Variants in DMD observed in about 807,000 individuals in gnomAD.
DMD encodes mutant dystrophin.
A neutral mutation model predicts 330.1 loss-of-function variants in DMD; 63 were observed. The observed-to-expected ratio is 0.19, with a 90% CI of 0.16 to 0.24. The LOEUF is 0.24. Among genes scored for constraint, DMD ranks in the 10% least tolerant of loss-of-function variants. The pLI is 1.00. For synonymous variants in DMD, 1,223 were observed against 959.8 expected (o/e 1.27, Z -5.07); for missense variants, 3,344 against 2,684.1 (o/e 1.25, Z -5.43).
chrX:32,462,232 T>G (rs1006834897), intron 25 of DMD, among the ~76,000 whole-genome samples: 4 of 111,299 alleles, frequency 3.6e-5, no homozygotes, highest in African/African-American at 1.3e-4. Context: ...CCTATAAAAT[T>G]TAATTTATAA....
intron 50 of DMD, among the ~76,000 whole-genome samples, chrX:31,809,001 T>C (rs778860960): frequency 1.4e-3 from 156 of 109,834 alleles, no homozygotes; most frequent in African/African-American, 5.1e-3. Context: ...TGTGTATTCA[T>C]ACATTTCTTT....
At chrX:31,167,418 C>T (rs1208681156) in intron 74 of DMD, among the ~76,000 whole-genome samples, 1 of 111,784 alleles carries the variant, frequency 8.9e-6, no homozygotes, top group African/African-American at 3.2e-5. Context: ...GACCCGGGTG[C>T]AATGGTACGG....
intron 44 of DMD, among the ~76,000 whole-genome samples, chrX:32,133,537 T>C: frequency 8.9e-6 from 1 of 111,812 alleles, no homozygotes; most frequent in Non-Finnish European, 1.9e-5. Context: ...TCAATATATC[T>C]GGTGATATGT....
intron 55 of DMD, among the ~76,000 whole-genome samples, chrX:31,561,303 G>A (rs2075183227): frequency 9.0e-6 from 1 of 111,513 alleles, no homozygotes; most frequent in Admixed American, 9.5e-5. Flanking sequence ...GGACTGATGG[G>A]GAGTCAGTCA....
intron 1 of DMD, among the ~76,000 whole-genome samples, chrX:33,137,655 T>G (rs2095535265): frequency 8.9e-6 from 1 of 111,888 alleles, no homozygotes; most frequent in Non-Finnish European, 1.9e-5. Flanking sequence ...CTTAGATGTC[T>G]TTCTAACAGT....
chrX:32,109,243 A>T (rs2096578295), intron 44 of DMD, among the ~76,000 whole-genome samples: 1 of 107,782 alleles, frequency 9.3e-6, no homozygotes, highest in African/African-American at 3.3e-5. Flanking sequence ...CTACAATACA[A>T]TTTTTTTTTT....
intron 52 of DMD, among the ~76,000 whole-genome samples, chrX:31,690,992 T>C (rs945119782): frequency 1.7e-4 from 19 of 109,952 alleles, no homozygotes; most frequent in African/African-American, 6.3e-4. Flanking sequence ...GGGGGAGGGA[T>C]AGCATTGGGA....
At chrX:33,147,832 A>G (rs1483949786) in intron 1 of DMD, among the ~76,000 whole-genome samples, 1 of 112,056 alleles carries the variant, frequency 8.9e-6, no homozygotes, top group Non-Finnish European at 1.9e-5. Flanking sequence ...CAAAATATAT[A>G]AATTTTATCA....
chrX:32,273,271 G>A (rs959803763), intron 43 of DMD, among the ~76,000 whole-genome samples: 1 of 95,586 alleles, frequency 1.0e-5, no homozygotes, highest in African/African-American at 4.0e-5. Flanking sequence ...TCTTCTTAGG[G>A]CTCCTTAAAT....
intron 35 of DMD, 100 bp downstream of exon 35, chrX:32,364,920 A>G (rs2097849165): frequency 2.1e-6 from 2 of 958,159 alleles, no homozygotes; most frequent in South Asian, 2.0e-5. Context: ...GCATATACGT[A>G]GAATTGAGAA....
chrX:32,237,686 CAT>C (rs1194589844), intron 43 of DMD, among the ~76,000 whole-genome samples: 3 of 111,930 alleles, frequency 2.7e-5, no homozygotes, highest in African/African-American at 9.7e-5. Flanking sequence ...ATCACTCCTA[CAT>C]AGAGGCATGT....
intron 25 of DMD, among the ~76,000 whole-genome samples, chrX:32,459,307 A>G (rs2098374387): frequency 9.0e-6 from 1 of 111,037 alleles, no homozygotes; most frequent in African/African-American, 3.3e-5. Flanking sequence ...TTAAATATGT[A>G]CAGCTTTTGG....
chrX:32,072,598 C>G (rs1569539656), intron 44 of DMD, among the ~76,000 whole-genome samples: 1 of 111,199 alleles, frequency 9.0e-6, no homozygotes. Flanking sequence ...TATTTTAATT[C>G]CTGTAAAATA....
intron 11 of DMD, among the ~76,000 whole-genome samples, chrX:32,643,912 C>G (rs1164669699): frequency 1.8e-5 from 2 of 111,683 alleles, no homozygotes; most frequent in African/African-American, 6.5e-5. Flanking sequence ...AAACATAGTT[C>G]TGTAGATAAC....
intron 44 of DMD, chrX:32,205,924 G>C (rs1246400521): frequency 2.7e-6 from 1 of 367,441 alleles, no homozygotes; most frequent in Non-Finnish European, 5.0e-6. Context: ...AGTCCTCTGA[G>C]GCCCCAAAAC....
intron 42 of DMD, among the ~76,000 whole-genome samples, chrX:32,305,428 A>G (rs1055799473): frequency 5.4e-5 from 6 of 111,446 alleles, no homozygotes; most frequent in African/African-American, 3.3e-5. Context: ...CCAAAGTTCT[A>G]ACTCAGCCCC....
At chrX:32,546,684 G>T (rs1368949056) in intron 16 of DMD, among the ~76,000 whole-genome samples, 2 of 111,328 alleles carry the variant, frequency 1.8e-5, no homozygotes, top group African/African-American at 6.5e-5. Flanking sequence ...AGGCTAAAAG[G>T]ATACTAAGAA....
chrX:32,571,978 T>G (rs1480470380), intron 15 of DMD, among the ~76,000 whole-genome samples: 5 of 112,077 alleles, frequency 4.5e-5, no homozygotes, highest in African/African-American at 6.5e-5. Context: ...CAAATATGAT[T>G]CTTTTGCAAA....
chrX:31,185,942 A>G (rs763076237), intron 67 of DMD, among the ~76,000 whole-genome samples: 1 of 112,020 alleles, frequency 8.9e-6, no homozygotes, highest in African/African-American at 3.2e-5. Flanking sequence ...TGAATATATG[A>G]CATGGGAATA....
Sources: gnomAD v4.1 joint callset for allele counts (sites outside exome capture counted in the v4.1 genomes callset) on GRCh38, gnomAD v4.1.1 for gene constraint, MANE v1.5 for transcripts, NCBI Gene and HGNC (gene_info 2026-07-23, HGNC 2026-07-21) for gene names.